Variants in RBFOX1 observed in about 807,000 individuals in gnomAD.
The protein encoded by RBFOX1 is RNA binding protein fox-1 homolog 1.
A neutral mutation model predicts 57.7 loss-of-function variants in RBFOX1; 8 were observed. The observed-to-expected ratio is 0.14, with a 90% confidence interval of 0.08 to 0.25. RBFOX1 has a LOEUF of 0.25. Ranked by LOEUF, RBFOX1 falls within the 10% of genes least tolerant of loss-of-function variation. RBFOX1 has a pLI of 1.00. For synonymous variants in RBFOX1, 326 were observed against 222.4 expected (o/e 1.47, Z -4.15); for missense variants, 611 against 548.5 (o/e 1.11, Z -1.14).
At chr16:7,144,185 G>A (rs1388034762) in intron 4 of RBFOX1, among the ~76,000 whole-genome samples, 4 of 152,102 alleles carry the variant, frequency 2.6e-5, no homozygotes, top group East Asian at 1.9e-4. Flanking sequence ...ATGGATAGAC[G>A]GATAGACTCC....
At chr16:5,487,027 T>C (rs2042651699) in intron 2 of RBFOX1, among the ~76,000 whole-genome samples, 1 of 152,162 alleles carries the variant, frequency 6.6e-6, no homozygotes, top group Admixed American at 6.5e-5. Flanking sequence ...ATTTTTTTGC[T>C]TAACTTCTCC....
At chr16:5,873,382 C>T (rs1313387203) in intron 4 of RBFOX1, among the ~76,000 whole-genome samples, 4 of 152,194 alleles carry the variant, frequency 2.6e-5, no homozygotes, top group African/African-American at 4.8e-5. Flanking sequence ...ATCAGCAGTA[C>T]TTTCCAATGA....
At chr16:5,243,829 A>C (rs553649292) in intron 1 of RBFOX1, among the ~76,000 whole-genome samples, 1 of 152,336 alleles carries the variant, frequency 6.6e-6, no homozygotes, top group South Asian at 2.1e-4. Flanking sequence ...ACACTTTCAT[A>C]GGAAGGTTAT....
At chr16:6,943,513 C>A (rs990695937) in intron 3 of RBFOX1, among the ~76,000 whole-genome samples, 2 of 152,018 alleles carry the variant, frequency 1.3e-5, no homozygotes, top group Admixed American at 6.6e-5. Context: ...TTGAGACCAT[C>A]CTGACTAACA....
chr16:6,841,561 C>T (rs2093464221), intron 3 of RBFOX1, among the ~76,000 whole-genome samples: 1 of 152,124 alleles, frequency 6.6e-6, no homozygotes, highest in Non-Finnish European at 1.5e-5. Flanking sequence ...TTACCACAGG[C>T]CCTTTCTCCT....
rs529001528 is a variant in RBFOX1, at chr16:7,554,390, G to A, written c.271-25387G>A. On this transcript the variant is annotated intron_variant, in intron 5 of 15. Transcript: ENST00000550418. ...AGGTAAAAGTCCATTTTAGTCATTAGCAACCTGAGCACAGAGAGGTCAGTT... is the reference window on the plus strand; with the variant it reads ...AGGTAAAAGTCCATTTTAGTCATTAACAACCTGAGCACAGAGAGGTCAGTT... Among the ~76,000 whole-genome samples the A allele has an allele frequency of 5.9e-5, 9 of 152,248 alleles. No individual in the cohort carries two copies. In the South Asian group the frequency reaches 1.9e-3, roughly 32 times the overall value.
chr16:5,369,671 A>T (rs2065810918), intron 1 of RBFOX1, among the ~76,000 whole-genome samples: 1 of 152,140 alleles, frequency 6.6e-6, no homozygotes, highest in African/African-American at 2.4e-5. Flanking sequence ...AAAACTAAAC[A>T]TATTTCCAAA....
chr16:6,631,556 C>T (rs2098385246), intron 2 of RBFOX1, among the ~76,000 whole-genome samples: 1 of 151,606 alleles, frequency 6.6e-6, no homozygotes, highest in Admixed American at 6.6e-5. Flanking sequence ...CAGAATACAG[C>T]ATGGAAAAAA....
intron 3 of RBFOX1, among the ~76,000 whole-genome samples, chr16:7,037,521 G>A (rs909335512): frequency 6.6e-6 from 1 of 152,144 alleles, no homozygotes; most frequent in African/African-American, 2.4e-5. Flanking sequence ...GGCACGTCCA[G>A]TCCACTGTCA....
intron 3 of RBFOX1, among the ~76,000 whole-genome samples, chr16:6,897,712 G>C (rs1461551894): frequency 2.0e-5 from 3 of 152,108 alleles, no homozygotes; most frequent in Admixed American, 1.3e-4. Context: ...ACAGTTGCTT[G>C]AACCCGGGAG....
intron 3 of RBFOX1, among the ~76,000 whole-genome samples, chr16:5,614,116 A>G (rs948196970): frequency 3.3e-5 from 5 of 152,084 alleles, no homozygotes; most frequent in African/African-American, 1.2e-4. Flanking sequence ...CCTGGTCTCA[A>G]TTCTGTCTTA....
chr16:7,231,112 T>C (rs1284317306), intron 4 of RBFOX1, among the ~76,000 whole-genome samples: 2 of 152,134 alleles, frequency 1.3e-5, no homozygotes, highest in African/African-American at 4.8e-5. Flanking sequence ...AAGATAAGTA[T>C]GGTTGTTTGG....
At chr16:6,634,874 A>G (rs2098419461) in intron 2 of RBFOX1, among the ~76,000 whole-genome samples, 1 of 139,836 alleles carries the variant, frequency 7.2e-6, no homozygotes, top group Non-Finnish European at 1.5e-5. Context: ...AATTCAAAAT[A>G]TATATTATAA....
At chr16:5,329,148 G>T (rs973901179) in intron 1 of RBFOX1, among the ~76,000 whole-genome samples, 1 of 152,150 alleles carries the variant, frequency 6.6e-6, no homozygotes, top group Non-Finnish European at 1.5e-5. Flanking sequence ...AGTTCACAAA[G>T]GTTATGTAAC....
chr16:6,093,316 G>T (rs1394993083), intron 1 of RBFOX1, among the ~76,000 whole-genome samples: 1 of 152,034 alleles, frequency 6.6e-6, no homozygotes, highest in East Asian at 1.9e-4. Flanking sequence ...GCTCGCACCT[G>T]TAGGCACATC....
chr16:6,478,413 A>T (rs1597824693), intron 2 of RBFOX1, among the ~76,000 whole-genome samples: 1 of 21,924 alleles, frequency 4.6e-5, no homozygotes, highest in Non-Finnish European at 7.8e-5. Flanking sequence ...ATATATATAT[A>T]TATATATATA....
At chr16:5,604,939 G>A (rs2047514257), downstream of RBFOX1, among the ~76,000 whole-genome samples, 1 of 152,148 alleles carries the variant, frequency 6.6e-6, no homozygotes. Context: ...ATGGAATGCT[G>A]CCACCTTTTG....
At chr16:5,606,332 C>A (rs1166810805) in intron 3 of RBFOX1, among the ~76,000 whole-genome samples, 1 of 152,062 alleles carries the variant, frequency 6.6e-6, no homozygotes. Flanking sequence ...CCCCTCAGAT[C>A]TGACCATCCA....
intron 1 of RBFOX1, among the ~76,000 whole-genome samples, chr16:6,250,457 G>T (rs904073800): frequency 6.6e-6 from 1 of 152,168 alleles, no homozygotes; most frequent in Non-Finnish European, 1.5e-5. Flanking sequence ...AATGAGCAAT[G>T]CTATGGACCT....
Sources: allele counts gnomAD v4.1 joint callset (sites outside exome capture counted in the v4.1 genomes callset), GRCh38; gene constraint gnomAD v4.1.1; transcripts MANE v1.5; gene names NCBI Gene and HGNC (gene_info 2026-07-23, HGNC 2026-07-21).